SCN10A: variants seen among roughly 807,000 people sequenced by gnomAD.
SCN10A encodes sodium channel protein type 10 subunit alpha.
Under a neutral mutation model 170.7 loss-of-function variants are expected in SCN10A, and 162 were observed. The observed-to-expected ratio is 0.95, with a 90% CI of 0.84 to 1.08. The LOEUF (loss-of-function observed/expected upper bound fraction) is 1.08, where lower values mean the gene tolerates loss of function less well. Among genes scored for constraint, SCN10A ranks in the 50% least tolerant of loss-of-function variants. The pLI is 0.00. For synonymous variants in SCN10A, 985 were observed against 904.6 expected, an observed-to-expected ratio of 1.09 and a Z score of -1.59; for missense variants, 2,527 against 2,436.9, an observed-to-expected ratio of 1.04 and a Z score of -0.78.
chr3:38,787,498 TC>T lies in SCN10A; in HGVS notation c.470+1457del, dbSNP rs2064221878. On this transcript the variant is annotated intron_variant, in intron 4 of 27. Transcript: ENST00000449082. ...CTTTTTTCTTCTTGCACTTTTTTTT[TC>T]TTTGCTTTACTATGCTGGCTGAGAC... is the stretch of plus-strand genomic sequence containing the variant. Among the ~76,000 whole-genome samples, 4 of 152,260 alleles carry T rather than the reference TC, an allele frequency of 2.6e-5. No homozygotes were observed. In the South Asian group the frequency reaches 8.3e-4, roughly 32 times the overall value.
intron 4 of SCN10A, among the ~76,000 whole-genome samples, chr3:38,779,072 G>A (rs1034598608): frequency 7.4e-6 from 1 of 135,158 alleles, no homozygotes; most frequent in Non-Finnish European, 1.6e-5. Flanking sequence ...CCTTTGACCT[G>A]GCAATTCTAC....
At chr3:38,798,786 C>CTTTT (rs35930968) in intron 1 of SCN10A, among the ~76,000 whole-genome samples, 3,628 of 97,590 alleles carry the variant, frequency 0.037, 336 homozygotes, top group African/African-American at 0.1. Context: ...CCCTTGCCTC[C>CTTTT]TTTTTTTTTT....
intron 3 of SCN10A, among the ~76,000 whole-genome samples, chr3:38,791,067 C>T (rs1165929701): frequency 1.3e-5 from 2 of 152,272 alleles, no homozygotes; most frequent in Admixed American, 1.3e-4. Flanking sequence ...TCCAGAAATC[C>T]AACAATCTGC....
At chr3:38,758,143 C>A (rs187193759) in intron 8 of SCN10A, among the ~76,000 whole-genome samples, 74 of 152,324 alleles carry the variant, frequency 4.9e-4, no homozygotes, top group African/African-American at 1.7e-3. Context: ...CCCAGACATC[C>A]ATGTGAACAA....
At chr3:38,784,927 G>A (rs1015060096) in intron 4 of SCN10A, among the ~76,000 whole-genome samples, 3 of 152,056 alleles carry the variant, frequency 2.0e-5, no homozygotes, top group Non-Finnish European at 4.4e-5. Context: ...ACTTACAAGG[G>A]ATGTGAAGGA....
In SCN10A at chr3:38,752,509, A is replaced by G. The variant is rs1377852956; in HGVS notation, c.1465T>C (p.Phe489Leu). 1 of 1,569,240 alleles carries G rather than the reference A, an allele frequency of 6.4e-7. No homozygotes were observed. Among genetic ancestry groups the G allele is most frequent in the East Asian group, 2.3e-5 (1 of 43,546 alleles). The change falls in exon 12 of 28, where the codon TTT (phenylalanine) becomes CTT (leucine). Residue 489 changes from phenylalanine to leucine, a missense_variant. Phe to Leu is a conservative substitution (Grantham distance 22). Transcript: ENST00000449082. Reference protein sequence around the residue: ...SDPYNQRRMSFLGLASGKRRA... With the variant: ...SDPYNQRRMSLLGLASGKRRA... ...CGTTTTCCAGAGGCGAGGCCTAGAA[A>G]AGACTGGGCATTGCCCCAAAGGAGC...
intron 1 of SCN10A, among the ~76,000 whole-genome samples, chr3:38,805,337 G>A (rs2064398752): frequency 6.6e-6 from 1 of 152,132 alleles, no homozygotes; most frequent in Non-Finnish European, 1.5e-5. Context: ...ATGGTGCTGA[G>A]AGTGTGATTA....
chr3:38,712,044 T>C, intron 23 of SCN10A, 117 bp downstream of exon 23: 5 of 984,110 alleles, frequency 5.1e-6, no homozygotes, highest in Admixed American at 4.2e-5. Context: ...ATGACCTCAG[T>C]TCACACTGAG....
At chr3:38,714,221 C>A in intron 21 of SCN10A, 141 bp from the exon 22 acceptor site, 1 of 948,052 alleles carries the variant, frequency 1.1e-6, no homozygotes, top group Non-Finnish European at 1.6e-6. Flanking sequence ...TTCGGAACTC[C>A]AATGAGAGGT....
chr3:38,768,729 A>G (rs923562202), intron 5 of SCN10A, among the ~76,000 whole-genome samples: 17 of 152,124 alleles, frequency 1.1e-4, no homozygotes, highest in Admixed American at 9.8e-4. Context: ...CTATTTGCCT[A>G]GGTGATGATC....
chr3:38,705,587 GA>G (rs1187547786), intron 26 of SCN10A, among the ~76,000 whole-genome samples: 2 of 152,130 alleles, frequency 1.3e-5, no homozygotes, highest in East Asian at 3.9e-4. Context: ...GTCCCTTTTT[GA>G]AATATGATTT....
At chr3:38,735,829 C>T (rs957129902) in intron 15 of SCN10A, among the ~76,000 whole-genome samples, 3 of 152,242 alleles carry the variant, frequency 2.0e-5, no homozygotes, top group African/African-American at 7.2e-5. Context: ...CCACCTTCCT[C>T]TCTTTCTTTC....
rs1041101720 is a variant in SCN10A, at chr3:38,718,545, T to C, written c.3681+108A>G. On this transcript the variant is annotated intron_variant, in intron 21 of 27. Coordinates refer to ENST00000449082, the MANE Select transcript of SCN10A (RefSeq NM_006514.4). The stretch of plus-strand genomic sequence containing the variant: ...CTCACTAAATGCTCAAAACTTTTCT[T>C]TGGAGTAGCCCTTGAGGGCCAGGTC... The C allele has an allele frequency of 4.8e-5, 56 of 1,162,634 alleles. No homozygotes were observed. The African/African-American group carries it at 5.7e-4, about 12-fold the overall frequency. The allele number at this position is 1,162,634 out of a possible 1,614,324, so 72.0% of individuals were successfully genotyped here.
At chr3:38,713,871 G>A (rs1022545923) in intron 22 of SCN10A, 87 bp downstream of exon 22, 38 of 1,535,756 alleles carry the variant, frequency 2.5e-5, no homozygotes, top group Admixed American at 1.0e-4. Flanking sequence ...CAGGTGATCC[G>A]CCCGCCTCAG....
At chr3:38,714,955 T>C (rs978951529) in intron 21 of SCN10A, among the ~76,000 whole-genome samples, 2 of 152,224 alleles carry the variant, frequency 1.3e-5, no homozygotes, top group African/African-American at 4.8e-5. Context: ...CAGCTTATCC[T>C]GGCAGTTAGG....
intron 5 of SCN10A, among the ~76,000 whole-genome samples, chr3:38,769,593 T>C (rs935483723): frequency 9.9e-5 from 15 of 152,168 alleles, no homozygotes; most frequent in African/African-American, 2.7e-4. Flanking sequence ...GGATCCATTG[T>C]TGGGGAGCTA....
intron 4 of SCN10A, among the ~76,000 whole-genome samples, chr3:38,781,422 A>G (rs1056164823): frequency 2.6e-5 from 4 of 152,176 alleles, no homozygotes; most frequent in Admixed American, 2.6e-4. Context: ...GTCAACAGAA[A>G]GGGCCCAATT....
Position 38,697,267 on chromosome 3 carries a change from G to A in SCN10A, c.*82C>T. On this transcript the variant is annotated 3_prime_UTR_variant, in exon 28 of 28. Coordinates refer to ENST00000449082, the MANE Select transcript of SCN10A (RefSeq NM_006514.4). ...GCATGCATTGGTGAGGCTGTAGCTG[G>A]GTGTGATCTGCAATGGGAAAGAGTT... is the stretch of plus-strand genomic sequence containing the variant. The A allele has an allele frequency of 1.3e-6, 2 of 1,554,448 alleles. No individual in the cohort carries two copies. The highest frequency in any genetic ancestry group is 8.7e-7 in the Non-Finnish European group (1 of 1,150,480).
intron 13 of SCN10A, among the ~76,000 whole-genome samples, chr3:38,748,580 T>C (rs1051587996): frequency 3.9e-5 from 6 of 152,168 alleles, no homozygotes; most frequent in African/African-American, 9.7e-5. Context: ...GCCTGAGTTG[T>C]AGCTCCCATC....
Sources: gnomAD v4.1 joint callset for allele counts (sites outside exome capture counted in the v4.1 genomes callset) on GRCh38, gnomAD v4.1.1 for gene constraint, MANE v1.5 for transcripts, NCBI Gene and HGNC (gene_info 2026-07-23, HGNC 2026-07-21) for gene names.